The following SHISA9 variants were observed in gnomAD, a reference collection of about 807,000 sequenced individuals.
The protein encoded by SHISA9 is protein shisa-9.
A neutral mutation model predicts 38.0 loss-of-function variants in SHISA9; 13 were observed. The observed-to-expected ratio is 0.34, with a 90% CI of 0.22 to 0.54. The LOEUF (loss-of-function observed/expected upper bound fraction) is 0.54. Ranked by LOEUF, SHISA9 falls within the 20% of genes least tolerant of loss-of-function variation. The pLI, the probability that SHISA9 is intolerant of heterozygous loss-of-function variation, is 0.91. For synonymous variants in SHISA9, 275 were observed against 242.0 expected (o/e 1.14, Z -1.27); for missense variants, 538 against 575.8 (o/e 0.93, Z 0.67).
At chr16:13,527,577 G>A in the SHISA9 span, among the ~76,000 whole-genome samples, 1 of 152,138 alleles carries the variant, frequency 6.6e-6, no homozygotes, top group African/African-American at 2.4e-5. Flanking sequence ...TGTATGTGTA[G>A]GTAGTAAAGG....
intron 2 of SHISA9, among the ~76,000 whole-genome samples, chr16:13,133,226 A>T (rs1004590693): frequency 6.6e-6 from 1 of 152,152 alleles, no homozygotes; most frequent in African/African-American, 2.4e-5. Context: ...ACCAAGTATA[A>T]AGGGATTTTC....
chr16:13,417,733 A>G, the SHISA9 span, among the ~76,000 whole-genome samples: 1 of 152,228 alleles, frequency 6.6e-6, no homozygotes, highest in Non-Finnish European at 1.5e-5. Flanking sequence ...CTGTGCCTGG[A>G]TGATGAGATC....
chr16:13,168,926 G>A (rs1476132734), intron 2 of SHISA9, among the ~76,000 whole-genome samples: 10 of 152,228 alleles, frequency 6.6e-5, no homozygotes, highest in African/African-American at 2.2e-4. Context: ...CATGCATCGT[G>A]CCTGGCAGGA....
At chr16:13,368,402 A>C in the SHISA9 span, among the ~76,000 whole-genome samples, 1 of 152,082 alleles carries the variant, frequency 6.6e-6, no homozygotes, top group Non-Finnish European at 1.5e-5. Context: ...ATATTCAAAA[A>C]CATGCTAATT....
chr16:13,203,233 A>T (rs1432275390), intron 2 of SHISA9, 161 bp from the exon 3 acceptor site: 2 of 532,512 alleles, frequency 3.8e-6, no homozygotes, highest in South Asian at 5.8e-5. Context: ...GAAGACTATG[A>T]ACTCAATTGT....
At chr16:13,488,477 C>A in the SHISA9 span, among the ~76,000 whole-genome samples, 1 of 152,174 alleles carries the variant, frequency 6.6e-6, no homozygotes, top group Admixed American at 6.5e-5. Context: ...ATTACTGTTG[C>A]ATATACAATA....
At chr16:13,200,613 A>ATCAT (rs1400714591) in intron 2 of SHISA9, among the ~76,000 whole-genome samples, 22 of 138,340 alleles carry the variant, frequency 1.6e-4, no homozygotes, top group South Asian at 4.4e-4. Context: ...CTTGGGCTCC[A>ATCAT]AGGTGTGGTG....
the SHISA9 span, among the ~76,000 whole-genome samples, chr16:13,496,037 T>C: frequency 1.3e-5 from 2 of 152,106 alleles, no homozygotes; most frequent in Non-Finnish European, 2.9e-5. Context: ...AGCAAAACAC[T>C]GTCCAGATTT....
chr16:13,218,693 G>T (rs191104293), intron 4 of SHISA9, among the ~76,000 whole-genome samples: 3 of 152,148 alleles, frequency 2.0e-5, no homozygotes, highest in African/African-American at 4.8e-5. Context: ...GACAATGTAC[G>T]TAAAATCGCT....
chr16:13,386,042 A>G, the SHISA9 span, among the ~76,000 whole-genome samples: 1 of 152,212 alleles, frequency 6.6e-6, no homozygotes, highest in African/African-American at 2.4e-5. Flanking sequence ...TCCTGTGGCA[A>G]TGAAACCCTT....
intron 2 of SHISA9, among the ~76,000 whole-genome samples, chr16:13,079,475 A>G (rs1397937334): frequency 6.6e-6 from 1 of 152,240 alleles, no homozygotes; most frequent in African/African-American, 2.4e-5. Flanking sequence ...TAAAAATGAC[A>G]ACATGAAACC....
intron 2 of SHISA9, among the ~76,000 whole-genome samples, chr16:13,087,147 CTTTTTTTTTTT>C (rs956913326): frequency 8.6e-5 from 7 of 81,626 alleles, no homozygotes; most frequent in African/African-American, 1.9e-4. Context: ...ATGAACTCGT[CTTTTTTTTTTT>C]TTTTTTTTTT....
At chr16:13,190,739 C>T (rs1277244292) in intron 2 of SHISA9, among the ~76,000 whole-genome samples, 1 of 152,164 alleles carries the variant, frequency 6.6e-6, no homozygotes, top group Admixed American at 6.5e-5. Context: ...CCAGAGCCTG[C>T]ATAAAAACTG....
At chr16:13,415,513 A>G in the SHISA9 span, among the ~76,000 whole-genome samples, 1 of 152,194 alleles carries the variant, frequency 6.6e-6, no homozygotes, top group African/African-American at 2.4e-5. Context: ...GGGTGATGAA[A>G]TAATCTGTAC....
chr16:13,494,600 A>G, the SHISA9 span, among the ~76,000 whole-genome samples: 1 of 152,208 alleles, frequency 6.6e-6, no homozygotes, highest in Non-Finnish European at 1.5e-5. Context: ...GGCATCTGGT[A>G]TGCTGCCAGT....
chr16:13,339,667 G>A, the SHISA9 span, among the ~76,000 whole-genome samples: 1 of 152,094 alleles, frequency 6.6e-6, no homozygotes, highest in East Asian at 1.9e-4. Flanking sequence ...AAGGGAGAAA[G>A]AGAGAGAGTA....
At chr16:13,127,587 G>A (rs1465605144) in intron 2 of SHISA9, among the ~76,000 whole-genome samples, 1 of 152,060 alleles carries the variant, frequency 6.6e-6, no homozygotes, top group Non-Finnish European at 1.5e-5. Context: ...AGGGGAGGGA[G>A]AGCAGCTTGA....
At chr16:12,902,707 C>A in intron 1 of SHISA9, 80 bp downstream of exon 1, 1 of 1,342,334 alleles carries the variant, frequency 7.4e-7, no homozygotes, top group African/African-American at 1.5e-5. Context: ...CAGGCAATGG[C>A]GCTCCCCACG....
At chr16:12,983,444 C>G (rs1029285779) in intron 2 of SHISA9, among the ~76,000 whole-genome samples, 18 of 152,144 alleles carry the variant, frequency 1.2e-4, no homozygotes, top group African/African-American at 4.1e-4. Context: ...ATAGTAGGGA[C>G]TCAGTAAACA....
Sources: gnomAD v4.1 joint callset for allele counts (sites outside exome capture counted in the v4.1 genomes callset) on GRCh38, gnomAD v4.1.1 for gene constraint, MANE v1.5 for transcripts, NCBI Gene and HGNC (gene_info 2026-07-23, HGNC 2026-07-21) for gene names.